Variants in PPP2R3B observed in about 807,000 individuals in gnomAD.
PPP2R3B encodes serine/threonine-protein phosphatase 2A regulatory subunit B'' subunit beta.
PPP2R3B carries 68 observed loss-of-function variants against 72.9 expected under a neutral mutation model. The ratio of observed to expected loss-of-function variants is 0.93; its 90% CI spans 0.77 to 1.14. The LOEUF is 1.14. PPP2R3B is among the 50% of genes most tolerant of loss of function. The probability of loss-of-function intolerance (pLI) is 0.00; values close to 1 mark genes in which losing one functional copy is unlikely to be tolerated. For synonymous variants in PPP2R3B, 466 were observed against 375.8 expected (o/e 1.24, Z -2.78); for missense variants, 1,018 against 842.0 (o/e 1.21, Z -2.59).
At chrX:371,279 C>T (rs190029133) in intron 1 of PPP2R3B, among the ~76,000 whole-genome samples, 11 of 152,054 alleles carry the variant, frequency 7.2e-5, no homozygotes, top group African/African-American at 2.2e-4. Context: ...CCCGGACCCA[C>T]GGTGAGAGTA....
At chrX:361,307 ACG>A in intron 2 of PPP2R3B, 96 bp downstream of exon 2, 6 of 1,377,266 alleles carry the variant, frequency 4.4e-6, no homozygotes, top group South Asian at 1.3e-5. Flanking sequence ...CGCCTCACTC[ACG>A]CTCGTGTGAC....
At chrX:369,646 C>G (rs764442969) in intron 1 of PPP2R3B, among the ~76,000 whole-genome samples, 58 of 152,316 alleles carry the variant, frequency 3.8e-4, no homozygotes, top group Non-Finnish European at 3.5e-4. Context: ...TCTCGCGACA[C>G]CAGCCTCGGG....
intron 1 of PPP2R3B, among the ~76,000 whole-genome samples, chrX:368,349 G>A (rs1416895513): frequency 5.3e-5 from 5 of 94,980 alleles, no homozygotes; most frequent in Admixed American, 9.6e-5. Context: ...GGGGAAGGCC[G>A]GGACCACCCA....
intron 2 of PPP2R3B, among the ~76,000 whole-genome samples, chrX:357,776 G>C (rs964480219): frequency 9.2e-5 from 14 of 152,194 alleles, no homozygotes; most frequent in Admixed American, 6.5e-4. Context: ...GGCAGCTGAG[G>C]GGGTGGAGTT....
At chrX:363,510 G>GCCCAGCATCCCACAATGCATCTCCCCA (rs2071598800) in intron 1 of PPP2R3B, among the ~76,000 whole-genome samples, 1 of 71,162 alleles carries the variant, frequency 1.4e-5, no homozygotes, top group Non-Finnish European at 2.9e-5. Flanking sequence ...GCATCTCCCC[G>GCCCAGCATCCCACAATGCATCTCCCCA]AGCCCGCGAT....
chrX:346,080 G>C, intron 6 of PPP2R3B, 94 bp downstream of exon 6: 1 of 579,418 alleles, frequency 1.7e-6, no homozygotes, highest in Non-Finnish European at 2.8e-6. Flanking sequence ...GGGGTGGGAG[G>C]GGAGGAGGGA....
Position 340,818 on chromosome X carries a change from G to C in PPP2R3B, c.1298C>G (p.Pro433Arg). The change falls in exon 10 of 13, where the codon CCC becomes CGC. Residue 433 changes from proline to arginine, a missense_variant. Physicochemically the swap from Pro to Arg is moderately radical, Grantham distance 103 (BLOSUM62 -2). Coordinates refer to ENST00000390665, the MANE Select transcript of PPP2R3B (RefSeq NM_013239.5). ...CATCTGGCAGAGGCAGTCCTGGAAG[G>C]GCAGGGCCTCGATGGCCATGCTGTC... ...RLDSMAIEAL[P>R]FQDCLCQMLD... 6.2e-7 allele frequency: 1 copy of C among 1,608,812 alleles called. No homozygotes were observed. The highest frequency in any genetic ancestry group is 8.5e-7 in the Non-Finnish European group (1 of 1,179,036).
Position 338,668 on chromosome X carries a change from A to G in PPP2R3B, c.1513T>C (p.Tyr505His). ...AGGATGTCGTACTCCTCGGCCGCGT[A>G]CTTCTCCCAGTCCGAGAGCTCGGGG... ...GGPELSDWEK[Y>H]AAEEYDILVA... Residue 505 changes from tyrosine to histidine, a missense_variant, in exon 12 of 13, where the codon TAC (tyrosine) becomes CAC (histidine). Physicochemically the swap from Tyr to His is moderately conservative, Grantham distance 83. Coordinates refer to ENST00000390665, the MANE Select transcript of PPP2R3B (RefSeq NM_013239.5). 6.2e-7 allele frequency: 1 copy of G among 1,611,092 alleles called. No individual in the cohort carries two copies. The highest frequency in any genetic ancestry group is 8.5e-7 in the Non-Finnish European group (1 of 1,179,570).
At chrX:352,277 C>T (rs778186146) in intron 2 of PPP2R3B, among the ~76,000 whole-genome samples, 1 of 152,374 alleles carries the variant, frequency 6.6e-6, no homozygotes, top group South Asian at 2.1e-4. Flanking sequence ...GAAAGACCGA[C>T]TCCTTGTGGG....
At chrX:384,412 T>A (rs944150890) in intron 1 of PPP2R3B, among the ~76,000 whole-genome samples, 1 of 151,582 alleles carries the variant, frequency 6.6e-6, no homozygotes, top group Non-Finnish European at 1.5e-5. Flanking sequence ...TTCTCCTGCC[T>A]CAGCCTCCTG....
intron 1 of PPP2R3B, among the ~76,000 whole-genome samples, chrX:378,406 T>C (rs1463456812): frequency 1.3e-5 from 2 of 152,238 alleles, no homozygotes; most frequent in African/African-American, 2.4e-5. Context: ...GCAAACATAA[T>C]GGCTTTTCTG....
chrX:340,650 C>CCA, intron 10 of PPP2R3B, 115 bp downstream of exon 10: 1 of 644,048 alleles, frequency 1.6e-6, no homozygotes, highest in Non-Finnish European at 2.5e-6. Flanking sequence ...TCTCCCTGGG[C>CCA]TGTCATCCGT....
At chrX:354,085 A>AAAGACCGGGGCTCG (rs2071389891) in intron 2 of PPP2R3B, among the ~76,000 whole-genome samples, 1 of 87,988 alleles carries the variant, frequency 1.1e-5, no homozygotes, top group Non-Finnish European at 2.2e-5. Flanking sequence ...ACCGGGGCTC[A>AAAGACCGGGGCTCG]CCCAGGGACC....
chrX:352,523 T>C (rs149513486), intron 2 of PPP2R3B, among the ~76,000 whole-genome samples: 149 of 135,114 alleles, frequency 1.1e-3, no homozygotes, highest in African/African-American at 4.2e-3. Context: ...CACCTTGCTC[T>C]GTGTGGATCG....
chrX:385,804 G>T (rs1310463421), intron 1 of PPP2R3B, among the ~76,000 whole-genome samples: 1 of 152,006 alleles, frequency 6.6e-6, no homozygotes, highest in African/African-American at 2.4e-5. Flanking sequence ...AAACGGACCA[G>T]GCGCAGTGAC....
At chrX:355,132 T>C (rs1389638915) in intron 2 of PPP2R3B, among the ~76,000 whole-genome samples, 1 of 151,902 alleles carries the variant, frequency 6.6e-6, no homozygotes, top group Non-Finnish European at 1.5e-5. Flanking sequence ...ACTTAAAGGT[T>C]GAGCTGGTAG....
intron 1 of PPP2R3B, among the ~76,000 whole-genome samples, chrX:382,749 C>T (rs1244807994): frequency 2.0e-5 from 3 of 152,216 alleles, no homozygotes; most frequent in African/African-American, 7.2e-5. Flanking sequence ...ATATTCCCAG[C>T]CCTAGGAGAA....
intron 2 of PPP2R3B, among the ~76,000 whole-genome samples, chrX:357,170 G>A (rs1416648244): frequency 6.9e-6 from 1 of 144,296 alleles, no homozygotes; most frequent in African/African-American, 2.6e-5. Flanking sequence ...TCTGCAGCTG[G>A]CCCGGGCCAG....
chrX:366,995 T>C (rs1295807298), intron 1 of PPP2R3B, among the ~76,000 whole-genome samples: 3 of 151,200 alleles, frequency 2.0e-5, no homozygotes, highest in Non-Finnish European at 2.9e-5. Flanking sequence ...ACCACTGTCC[T>C]CCAGCCTGGG....
Sources: gnomAD v4.1 joint callset for allele counts (sites outside exome capture counted in the v4.1 genomes callset) on GRCh38, gnomAD v4.1.1 for gene constraint, MANE v1.5 for transcripts, NCBI Gene and HGNC (gene_info 2026-07-23, HGNC 2026-07-21) for gene names.